Variants in STK3 observed in about 807,000 individuals in gnomAD.
The protein encoded by STK3 is serine/threonine-protein kinase 3.
A neutral mutation model predicts 58.0 loss-of-function variants in STK3; 41 were observed. That is an observed-to-expected ratio of 0.71 (90% CI 0.55 to 0.92). STK3 has a LOEUF of 0.92. Among genes scored for constraint, STK3 ranks in the 40% least tolerant of loss-of-function variants. The pLI, the probability that STK3 is intolerant of heterozygous loss-of-function variation, is 0.00. For missense variants in STK3, 479 were observed against 602.7 expected, an observed-to-expected ratio of 0.79 and a Z score of 2.15; for synonymous variants, 170 against 191.0, an observed-to-expected ratio of 0.89 and a Z score of 0.91.
intron 3 of STK3, among the ~76,000 whole-genome samples, chr8:98,766,992 A>G (rs1332993860): frequency 1.3e-5 from 2 of 152,136 alleles, no homozygotes; most frequent in Non-Finnish European, 2.9e-5. Context: ...ATGGTGGCAC[A>G]TGACTGTAAT....
At chr8:98,641,983 G>A (rs1820057443) in intron 6 of STK3, among the ~76,000 whole-genome samples, 1 of 152,152 alleles carries the variant, frequency 6.6e-6, no homozygotes, top group South Asian at 2.1e-4. Context: ...AAGAGTTAAT[G>A]GAAAAGGAGG....
At chr8:98,703,996 G>A (rs1055800040) in intron 6 of STK3, among the ~76,000 whole-genome samples, 1 of 151,936 alleles carries the variant, frequency 6.6e-6, no homozygotes, top group African/African-American at 2.4e-5. Context: ...ATTCTACATT[G>A]ACAAAATGGA....
chr8:98,650,597 G>T (rs1276178060), intron 6 of STK3, among the ~76,000 whole-genome samples: 2 of 152,242 alleles, frequency 1.3e-5, no homozygotes, highest in Non-Finnish European at 1.5e-5. Context: ...AAAGAAAGGG[G>T]TGACAGAGGG....
intron 1 of STK3, among the ~76,000 whole-genome samples, chr8:98,777,381 T>C (rs1041689832): frequency 2.6e-5 from 4 of 151,450 alleles, no homozygotes; most frequent in Non-Finnish European, 5.9e-5. Flanking sequence ...ACAAAACGTT[T>C]GGTGGGCATG....
chr8:98,495,365 C>CT (rs113438031), intron 10 of STK3, among the ~76,000 whole-genome samples: 45 of 149,590 alleles, frequency 3.0e-4, no homozygotes, highest in African/African-American at 7.8e-4. Flanking sequence ...ATTACAGGTA[C>CT]TTTTTTTTTT....
chr8:98,665,467 A>G (rs1278729793), intron 6 of STK3, among the ~76,000 whole-genome samples: 2 of 151,398 alleles, frequency 1.3e-5, no homozygotes, highest in African/African-American at 4.9e-5. Context: ...CACAATCATG[A>G]CTCACTGTAG....
At chr8:98,670,647 T>C (rs1368037966) in intron 6 of STK3, among the ~76,000 whole-genome samples, 2 of 152,184 alleles carry the variant, frequency 1.3e-5, no homozygotes, top group African/African-American at 4.8e-5. Flanking sequence ...CAACTGGTTC[T>C]TTCTGAATAA....
chr8:98,937,641 C>T (rs1840243429), intron 1 of STK3, among the ~76,000 whole-genome samples: 2 of 152,194 alleles, frequency 1.3e-5, no homozygotes, highest in South Asian at 2.1e-4. Context: ...TTACCTGGTA[C>T]ATAGTAGACA....
chr8:98,655,621 A>G (rs1285934927), intron 6 of STK3, among the ~76,000 whole-genome samples: 4 of 151,484 alleles, frequency 2.6e-5, no homozygotes, highest in Non-Finnish European at 5.9e-5. Flanking sequence ...TCTATAATGA[A>G]CTCAAACAAA....
At position 98,471,762 on chromosome 8, in the gene STK3, T is replaced by C. The variant is rs1366397869; in HGVS notation, c.1318-15762A>G. 2.0e-5 allele frequency among the ~76,000 whole-genome samples: 3 copies of C among 152,160 alleles called. No homozygotes were observed. The East Asian group carries it at 5.8e-4, about 29-fold the overall frequency. On this transcript the variant is annotated intron_variant, in intron 10 of 10. Transcript: ENST00000419617. The stretch of plus-strand genomic sequence containing the variant: ...AGGAAGGAATCACCAGTAGCACTGC[T>C]GGGCTATGGGTAGGTGGGCAACTAC...
At chr8:98,406,542 C>T (rs1291787124) in intron 3 of STK3, among the ~76,000 whole-genome samples, 1 of 152,060 alleles carries the variant, frequency 6.6e-6, no homozygotes, top group Non-Finnish European at 1.5e-5. Flanking sequence ...AGTACCTGCC[C>T]ATAGTAGAGA....
At chr8:98,424,520 C>T (rs879923272) in intron 3 of STK3, among the ~76,000 whole-genome samples, 1 of 152,066 alleles carries the variant, frequency 6.6e-6, no homozygotes, top group Non-Finnish European at 1.5e-5. Context: ...AGGGTGAGAG[C>T]CCCAGGGGCC....
intron 1 of STK3, among the ~76,000 whole-genome samples, chr8:98,890,934 C>A (rs1336119677): frequency 6.6e-6 from 1 of 152,174 alleles, no homozygotes; most frequent in Admixed American, 6.5e-5. Flanking sequence ...ATCGTCCTAG[C>A]CTTGAGCATG....
At chr8:98,413,294 C>A (rs890588145) in intron 3 of STK3, 3 of 448,274 alleles carry the variant, frequency 6.7e-6, no homozygotes, top group South Asian at 1.8e-5. Context: ...GGATTACAGG[C>A]GCAAGCCACC....
At chr8:98,859,669 A>G (rs1241176765) in intron 3 of STK3, among the ~76,000 whole-genome samples, 1 of 152,220 alleles carries the variant, frequency 6.6e-6, no homozygotes, top group Non-Finnish European at 1.5e-5. Flanking sequence ...AGAAGCATGA[A>G]TAGAAGGAGC....
chr8:98,590,021 C>T (rs1030178325), intron 7 of STK3, among the ~76,000 whole-genome samples: 18 of 152,306 alleles, frequency 1.2e-4, no homozygotes, highest in South Asian at 4.1e-4. Context: ...TGAGATGAAC[C>T]GGGTACCTCA....
intron 3 of STK3, among the ~76,000 whole-genome samples, chr8:98,874,132 G>A (rs1047812338): frequency 6.6e-6 from 1 of 152,150 alleles, no homozygotes; most frequent in Non-Finnish European, 1.5e-5. Context: ...GAAATTCTGG[G>A]TTGAAAATTC....
chr8:98,725,853 G>C (rs1827762127), intron 4 of STK3, among the ~76,000 whole-genome samples: 1 of 152,124 alleles, frequency 6.6e-6, no homozygotes, highest in Admixed American at 6.5e-5. Flanking sequence ...AGAAAACACT[G>C]ATGTAGGTAA....
At chr8:98,685,750 C>CA (rs1157266840) in intron 6 of STK3, among the ~76,000 whole-genome samples, 3 of 149,738 alleles carry the variant, frequency 2.0e-5, no homozygotes, top group Non-Finnish European at 4.4e-5. Context: ...CTAAAATAGG[C>CA]AAAAAAATAG....
Sources: gnomAD v4.1 joint callset for allele counts (sites outside exome capture counted in the v4.1 genomes callset) on GRCh38, gnomAD v4.1.1 for gene constraint, MANE v1.5 for transcripts, NCBI Gene and HGNC (gene_info 2026-07-23, HGNC 2026-07-21) for gene names.